KCNC3: variants seen among roughly 807,000 people sequenced by gnomAD.
The protein encoded by KCNC3 is potassium voltage-gated channel subfamily C member 3.
Under a neutral mutation model 43.9 loss-of-function variants are expected in KCNC3, and 22 were observed. The observed-to-expected ratio is 0.50, with a 90% CI of 0.36 to 0.72. The LOEUF (loss-of-function observed/expected upper bound fraction) is 0.72. Ranked by LOEUF, KCNC3 falls within the 30% of genes least tolerant of loss-of-function variation. The pLI, the probability that KCNC3 is intolerant of heterozygous loss-of-function variation, is 0.00. For synonymous variants in KCNC3, 492 were observed against 488.0 expected (o/e 1.01, Z -0.11); for missense variants, 829 against 1,073.8 (o/e 0.77, Z 3.19).
At position 50,324,918 on chromosome 19, in the gene KCNC3, AGAG is replaced by A. The variant is rs1237913931; in HGVS notation, c.871-839_871-837del. 6.6e-6 allele frequency among the ~76,000 whole-genome samples: 1 copy of A among 151,964 alleles called. No homozygotes were observed. Among genetic ancestry groups the A allele is most frequent in the Non-Finnish European group, 1.5e-5 (1 of 67,984 alleles). On this transcript the variant is annotated intron_variant, in intron 1 of 4. Coordinates refer to ENST00000477616, the MANE Select transcript of KCNC3 (RefSeq NM_004977.3). This position sits in a 1 kb window ranked among gnomAD's most constrained non-coding sequence, Gnocchi z 4.1. ...GAAGGGTTAAGCCTGCAAAAATGGA[AGAG>A]GAGATAAAAGAGGAGAGTCAGGCAG...
Position 50,328,772 on chromosome 19 carries a change from G to C in KCNC3, c.311C>G (p.Ser104Trp). The change falls in exon 1 of 5, where the codon TCG (serine) becomes TGG (tryptophan). Residue 104 changes from serine (S) to tryptophan (W), a missense_variant. By Grantham distance (177) the Ser-to-Trp change is radical. This residue lies in a region of KCNC3 where 121 missense variants were observed against 247.4 expected (regional missense o/e 0.49). Transcript: ENST00000477616. ...VGGVRHETYR[S>W]TLRTLPGTRL... ...CGTCCCCGGCAGGGTGCGCAGCGTCGAGCGGTACGTCTCATGGCGCACGCC... is the reference window on the plus strand; with the variant it reads ...CGTCCCCGGCAGGGTGCGCAGCGTCCAGCGGTACGTCTCATGGCGCACGCC... The C allele has an allele frequency of 6.3e-7, 1 of 1,581,846 alleles. No individual in the cohort carries two copies. Among genetic ancestry groups the C allele is most frequent in the Non-Finnish European group, 8.6e-7 (1 of 1,165,516 alleles).
Position 50,323,073 on chromosome 19 carries a change from C to T in KCNC3, c.1880G>A (p.Gly627Glu). The T allele has an allele frequency of 6.5e-7, 1 of 1,535,562 alleles. No homozygotes were observed. Among genetic ancestry groups the T allele is most frequent in the Non-Finnish European group, 8.8e-7 (1 of 1,140,938 alleles). ...PHTHPGLLRG[G>E]AGGLGIMGLP... ...CCCCATGATCCCCAGCCCACCCGCT[C>T]CCCCCCTGAGCAGCCCGGGGTGCGT... Residue 627 changes from glycine (G) to glutamate (E), a missense_variant, in exon 2 of 5, where the codon GGA becomes GAA. Transcript: ENST00000477616.
At chr19:50,319,965 A>T (rs1040335339) in intron 4 of KCNC3, among the ~76,000 whole-genome samples, 1 of 148,792 alleles carries the variant, frequency 6.7e-6, no homozygotes, top group African/African-American at 2.5e-5. Flanking sequence ...GATGGGGGTG[A>T]GGATGGGGTC....
chr19:50,326,795 A>T (rs1231154293), intron 1 of KCNC3, among the ~76,000 whole-genome samples: 1 of 152,078 alleles, frequency 6.6e-6, no homozygotes, highest in Non-Finnish European at 1.5e-5. Context: ...ATGCTTGAGG[A>T]AAGTTTTCTG....
Position 50,314,215 on chromosome 19 carries a change from A to G in KCNC3, c.*1900T>C, listed in dbSNP as rs1219656925. The G allele has an allele frequency of 1.4e-5, 2 of 144,564 alleles. No homozygotes were observed. The highest frequency in any genetic ancestry group is 5.1e-5 in the African/African-American group (2 of 39,262). The allele number at this position is 144,564 out of a possible 1,614,324, so 9.0% of individuals were successfully genotyped here. A position where few individuals can be genotyped will look rare whatever the true frequency, so the allele number is the denominator to read the frequency against. On this transcript the variant is annotated 3_prime_UTR_variant, in exon 5 of 5. Transcript: ENST00000477616. ...CCCGCCCTCCCACCACCTGAGCTCAACTCGGCCCCGCCCTCCCGCCACCTG... is the reference window on the plus strand; with the variant it reads ...CCCGCCCTCCCACCACCTGAGCTCAGCTCGGCCCCGCCCTCCCGCCACCTG...
chr19:50,315,750 G>A lies in KCNC3; in HGVS notation c.*365C>T, dbSNP rs538855715. 3 of 158,346 alleles carry A rather than the reference G, an allele frequency of 1.9e-5. No individual in the cohort carries two copies. Among genetic ancestry groups the A allele is most frequent in the East Asian group, 3.5e-4 (2 of 5,792 alleles). 9.8% of individuals were successfully genotyped at this position (158,346 alleles called of 1,614,324 possible). On this transcript the variant is annotated 3_prime_UTR_variant, in exon 5 of 5. Coordinates refer to ENST00000477616, the MANE Select transcript of KCNC3 (RefSeq NM_004977.3). ...GCTGGGGAGAGGGACATCTTTAAAG[G>A]GTCCAAGAAGGCTCTGAGCTTCTGA...
In KCNC3 at chr19:50,324,734, G is replaced by A. The variant is rs533605434; in HGVS notation, c.871-652C>T. ...CTTGGCTCCAAACACAGTGCTTGGA[G>A]CAGTGCCTGGAACACAGTAAGAAGA... On this transcript the variant is annotated intron_variant, in intron 1 of 4. Transcript: ENST00000477616. The surrounding 1 kb of genome is among the most constrained non-coding windows in gnomAD (Gnocchi z 4.1). Among the ~76,000 whole-genome samples the A allele has an allele frequency of 6.6e-6, 1 of 152,302 alleles. No homozygotes were observed. The highest frequency in any genetic ancestry group is 2.1e-4 in the South Asian group (1 of 4,824).
Position 50,328,248 on chromosome 19 carries a change from G to A in KCNC3, c.835C>T (p.Leu279Phe). ...WRRWQPRVWALFEDPYSSRAA... is the reference protein window; with the variant it reads ...WRRWQPRVWAFFEDPYSSRAA... Reference sequence around the variant, plus strand: ...CGCGACGAGTAGGGGTCCTCGAAGAGCGCCCACACGCGGGGCTGCCAGCGG... The same window carrying A: ...CGCGACGAGTAGGGGTCCTCGAAGAACGCCCACACGCGGGGCTGCCAGCGG... Residue 279 changes from leucine (L) to phenylalanine (F), a missense_variant, in exon 1 of 5, where the codon CTC becomes TTC. Leu to Phe is a conservative substitution (Grantham distance 22, BLOSUM62 0). Transcript: ENST00000477616. 8.3e-7 allele frequency: 1 copy of A among 1,200,940 alleles called. No individual in the cohort carries two copies. The highest frequency in any genetic ancestry group is 1.0e-6 in the Non-Finnish European group (1 of 968,546). The allele number at this position is 1,200,940 out of a possible 1,614,324, so 74.4% of individuals were successfully genotyped here.
At position 50,323,847 on chromosome 19, in the gene KCNC3, A is replaced by C; in HGVS notation, c.1106T>G (p.Phe369Cys). 1 of 1,614,180 alleles carries C rather than the reference A, an allele frequency of 6.2e-7. No homozygotes were observed. The highest frequency in any genetic ancestry group is 8.5e-7 in the Non-Finnish European group (1 of 1,180,036). The part of the protein sequence containing the change: ...FTFEFLMRIT[F>C]CPDKVEFLKS... Reference sequence around the variant, plus strand: ...AAGAAACTCCACCTTGTCTGGGCAGAAGGTGATGCGCATGAGGAACTCGAA... The same window carrying C: ...AAGAAACTCCACCTTGTCTGGGCAGCAGGTGATGCGCATGAGGAACTCGAA... The change falls in exon 2 of 5, where the codon TTC becomes TGC. Residue 369 changes from phenylalanine to cysteine, a missense_variant. Around this residue, in one of 7 missense-constraint regions of KCNC3, gnomAD observed 157 missense variants for 293.5 expected, o/e 0.53. Transcript: ENST00000477616.
At chr19:50,320,183 G>A (rs1243639054) in intron 4 of KCNC3, 40 bp downstream of exon 4, 8 of 260,322 alleles carry the variant, frequency 3.1e-5, no homozygotes, top group African/African-American at 2.1e-4. Flanking sequence ...GGAGTGGGGA[G>A]TCTGGGGGTC....
chr19:50,333,330 C>G (rs894250334), upstream of KCNC3: 2 of 154,150 alleles, frequency 1.3e-5, no homozygotes, highest in African/African-American at 4.8e-5. Context: ...GCACCGCTCC[C>G]CCAACCCAGG....
rs762737569 is a variant in KCNC3, at chr19:50,320,629, C to T, written c.2134G>A (p.Asp712Asn). ...SRDRACFLLT[D>N]YAPSPDGSIR... ...GAGCCATCAGGGGAAGGGGCATAGT[C>T]GGTGAGGAGGAAGCAGGCTCGGTCC... Residue 712 changes from aspartate to asparagine, a missense_variant, in exon 3 of 5, where the codon GAC becomes AAC. Physicochemically the swap from Asp to Asn is conservative, Grantham distance 23. Coordinates refer to ENST00000477616, the MANE Select transcript of KCNC3 (RefSeq NM_004977.3). 8.7e-6 allele frequency: 14 copies of T among 1,612,774 alleles called. No homozygotes were observed. Among genetic ancestry groups the T allele is most frequent in the East Asian group, 4.5e-5 (2 of 44,820 alleles).
In KCNC3 at chr19:50,326,655, T is replaced by C. The variant is rs536031448; in HGVS notation, c.870+1558A>G. Reference sequence around the variant, plus strand: ...TTTCCCCCATTTCCAATTGCCCCCATTTTGCACTGCCCCCCTTTTCCACCA... The same window carrying C: ...TTTCCCCCATTTCCAATTGCCCCCACTTTGCACTGCCCCCCTTTTCCACCA... On this transcript the variant is annotated intron_variant, in intron 1 of 4. Transcript: ENST00000477616. Among the ~76,000 whole-genome samples, 6 of 151,506 alleles carry C rather than the reference T, an allele frequency of 4.0e-5. No individual in the cohort carries two copies. In the South Asian group the frequency reaches 1.3e-3, roughly 32 times the overall value.
chr19:50,325,630 C>T (rs764278709), intron 1 of KCNC3, among the ~76,000 whole-genome samples: 5 of 152,198 alleles, frequency 3.3e-5, no homozygotes, highest in Admixed American at 6.5e-5. Flanking sequence ...GTTTAAGAGG[C>T]CAGAGGCCTT....
chr19:50,314,581 A>AG lies in KCNC3; in HGVS notation c.*1533dup, dbSNP rs771315483. 6 of 288,732 alleles carry AG rather than the reference A, an allele frequency of 2.1e-5. No individual in the cohort carries two copies. Among genetic ancestry groups the AG allele is most frequent in the Non-Finnish European group, 3.4e-5 (5 of 148,340 alleles). 17.9% of individuals were successfully genotyped at this position (288,732 alleles called of 1,614,324 possible). On this transcript the variant is annotated 3_prime_UTR_variant, in exon 5 of 5. Transcript: ENST00000477616. ...GGACTTATTTACACAAGTTGATGGC[A>AG]GGGGGATGTCCTATGGCTCGTGGAG...
At chr19:50,316,117 CG>C in intron 4 of KCNC3, 26 bp from the exon 5 acceptor site, 1 of 382,458 alleles carries the variant, frequency 2.6e-6, no homozygotes. Context: ...CACAGAGTCA[CG>C]GGGGTGGGGA....
chr19:50,330,477 G>T (rs1274384122), upstream of KCNC3, among the ~76,000 whole-genome samples: 1 of 152,072 alleles, frequency 6.6e-6, no homozygotes, highest in Non-Finnish European at 1.5e-5. Context: ...GGATGGAGGG[G>T]AGGGACCTGG....
At chr19:50,325,683 G>A (rs1345694611) in intron 1 of KCNC3, among the ~76,000 whole-genome samples, 1 of 152,060 alleles carries the variant, frequency 6.6e-6, no homozygotes, top group Non-Finnish European at 1.5e-5. Flanking sequence ...CGAGCCGGGC[G>A]CGCGGCGCTA....
At position 50,315,836 on chromosome 19, in the gene KCNC3, G is replaced by T; in HGVS notation, c.*279C>A. 1 of 282,242 alleles carries T rather than the reference G, an allele frequency of 3.5e-6. No individual in the cohort carries two copies. Among genetic ancestry groups the T allele is most frequent in the Non-Finnish European group, 7.0e-6 (1 of 143,054 alleles). The allele number at this position is 282,242 out of a possible 1,614,324, so 17.5% of individuals were successfully genotyped here. A position where few individuals can be genotyped will look rare whatever the true frequency, so the allele number is the denominator to read the frequency against. On this transcript the variant is annotated 3_prime_UTR_variant, in exon 5 of 5. Transcript: ENST00000477616. ...TAATGGGACTCAAGATCCAGCAACAGTGTGTGTGGTTTCTGCAAAGCCTGG... is the reference window on the plus strand; with the variant it reads ...TAATGGGACTCAAGATCCAGCAACATTGTGTGTGGTTTCTGCAAAGCCTGG...
Sources: allele counts gnomAD v4.1 joint callset (sites outside exome capture counted in the v4.1 genomes callset), GRCh38; gene constraint gnomAD v4.1.1; regional missense constraint gnomAD v4.1.1; non-coding constraint Gnocchi (gnomAD v3.1); transcripts MANE v1.5; gene names NCBI Gene and HGNC (gene_info 2026-07-23, HGNC 2026-07-21).